MTM1: variants seen among roughly 807,000 people sequenced by gnomAD.
MTM1 encodes the protein myotubularin 1, also known as myotubularin.
MTM1 carries 9 observed loss-of-function variants against 52.1 expected under a neutral mutation model. That is an observed-to-expected ratio of 0.17 (90% CI 0.10 to 0.30). The LOEUF is 0.30. Among genes scored for constraint, MTM1 ranks in the 10% least tolerant of loss-of-function variants. The pLI is 1.00. For missense variants in MTM1, 277 were observed against 470.7 expected, an observed-to-expected ratio of 0.59 and a Z score of 3.81; for synonymous variants, 136 against 163.8, an observed-to-expected ratio of 0.83 and a Z score of 1.29.
At chrX:150,657,432 T>C (rs782326945) in intron 10 of MTM1, among the ~76,000 whole-genome samples, 233 of 95,111 alleles carry the variant, frequency 2.4e-3, no homozygotes, top group South Asian at 0.015. Flanking sequence ...AATGAGAACA[T>C]TTGGACACAG....
chrX:150,571,945 A>G (rs2038385342), intron 1 of MTM1, among the ~76,000 whole-genome samples: 1 of 112,200 alleles, frequency 8.9e-6, no homozygotes, highest in African/African-American at 3.2e-5. Flanking sequence ...AAGATTTTTC[A>G]TTGGAAATCT....
At chrX:150,589,812 A>G (rs942527492) in intron 1 of MTM1, among the ~76,000 whole-genome samples, 2 of 106,801 alleles carry the variant, frequency 1.9e-5, no homozygotes, top group African/African-American at 6.9e-5. Context: ...GCCATGCGCT[A>G]TCCCTGTATT....
intron 1 of MTM1, among the ~76,000 whole-genome samples, chrX:150,584,093 G>A (rs2038737678): frequency 1.0e-5 from 1 of 98,708 alleles, no homozygotes; most frequent in South Asian, 4.5e-4. Flanking sequence ...TGAAAATCTG[G>A]CACAAAAATA....
chrX:150,656,088 A>C (rs1371535224), intron 10 of MTM1, among the ~76,000 whole-genome samples: 1 of 111,636 alleles, frequency 9.0e-6, no homozygotes, highest in African/African-American at 3.3e-5. Context: ...TCACTGTATC[A>C]GACTTTTACA....
intron 1 of MTM1, among the ~76,000 whole-genome samples, chrX:150,574,554 A>G (rs921550261): frequency 5.3e-5 from 6 of 112,834 alleles, no homozygotes; most frequent in African/African-American, 1.9e-4. Flanking sequence ...AAGTAAAGAA[A>G]CAGGTGAAAT....
intron 1 of MTM1, among the ~76,000 whole-genome samples, chrX:150,585,145 T>G (rs1163108275): frequency 1.8e-5 from 2 of 110,266 alleles, no homozygotes; most frequent in Non-Finnish European, 3.8e-5. Flanking sequence ...TTTCCATGTT[T>G]TGAAGTAGGT....
rs186531872 is a variant in MTM1, at chrX:150,611,303, G to A, written c.232-3286G>A. 2.7e-5 allele frequency among the ~76,000 whole-genome samples: 3 copies of A among 111,981 alleles called. No individual in the cohort carries two copies. In the East Asian group the frequency reaches 8.4e-4, roughly 31 times the overall value. On this transcript the variant is annotated intron_variant, in intron 4 of 14. Transcript: ENST00000370396. ...TTTTCTAGCTACTGGCATCAGGCAC[G>A]ACGCCAGGTACTTTAAACTCATTTT...
At chrX:150,606,250 C>A (rs2039155261) in intron 4 of MTM1, among the ~76,000 whole-genome samples, 1 of 110,959 alleles carries the variant, frequency 9.0e-6, no homozygotes, top group African/African-American at 3.3e-5. Flanking sequence ...AAAATGAATG[C>A]CTTCTTCACA....
At chrX:150,631,166 A>G (rs1323090263) in intron 6 of MTM1, among the ~76,000 whole-genome samples, 2 of 112,316 alleles carry the variant, frequency 1.8e-5, no homozygotes, top group Non-Finnish European at 3.8e-5. Context: ...GGGCACAGTG[A>G]ACCAATCTTA....
intron 1 of MTM1, among the ~76,000 whole-genome samples, chrX:150,569,467 C>T (rs1259273202): frequency 1.8e-5 from 2 of 112,640 alleles, no homozygotes; most frequent in Non-Finnish European, 3.8e-5. Flanking sequence ...GGTTTTGAAA[C>T]AGATACACCA....
chrX:150,642,556 T>C (rs932836637), intron 8 of MTM1, among the ~76,000 whole-genome samples: 3 of 112,080 alleles, frequency 2.7e-5, no homozygotes, highest in Non-Finnish European at 5.6e-5. Context: ...TGTTAGAACA[T>C]GATGCTAATG....
chrX:150,584,695 C>G (rs782584332), intron 1 of MTM1, among the ~76,000 whole-genome samples: 244 of 111,096 alleles, frequency 2.2e-3, no homozygotes, highest in African/African-American at 7.7e-3. Context: ...ACAATCGTCC[C>G]TTGGTATTTG....
At chrX:150,656,776 A>G (rs781948419) in intron 10 of MTM1, among the ~76,000 whole-genome samples, 1 of 112,105 alleles carries the variant, frequency 8.9e-6, no homozygotes, top group East Asian at 2.8e-4. Context: ...AAACAAATTT[A>G]CAAGAAAAAA....
At chrX:150,600,022 A>G (rs987143747) in intron 4 of MTM1, among the ~76,000 whole-genome samples, 3 of 111,984 alleles carry the variant, frequency 2.7e-5, no homozygotes, top group Admixed American at 9.5e-5. Context: ...AACCAAGGCC[A>G]TATGACAGAC....
chrX:150,614,511 A>G, intron 4 of MTM1, 78 bp from the exon 5 acceptor site: 1 of 602,608 alleles, frequency 1.7e-6, no homozygotes, highest in South Asian at 2.4e-5. Context: ...CTGAAAGCAT[A>G]TGGTTGTTTT....
chrX:150,636,291 C>T (rs1274336416), intron 6 of MTM1, among the ~76,000 whole-genome samples: 1 of 111,267 alleles, frequency 9.0e-6, no homozygotes, highest in African/African-American at 3.3e-5. Context: ...TTTTATAAAA[C>T]ATATTAAGGA....
chrX:150,598,828 G>T (rs1557412675), intron 4 of MTM1, 142 bp downstream of exon 4: 1 of 447,763 alleles, frequency 2.2e-6, no homozygotes, highest in East Asian at 3.9e-5. Context: ...TTTTGCTTAT[G>T]CAAAACTCAT....
intron 6 of MTM1, among the ~76,000 whole-genome samples, chrX:150,621,842 C>T (rs2039486157): frequency 9.0e-6 from 1 of 111,615 alleles, no homozygotes; most frequent in African/African-American, 3.3e-5. Flanking sequence ...TACCTCCTAC[C>T]TCCCCCTACC....
rs368915645 is a variant in MTM1 at position 150,598,716 on chromosome X, C to A, written c.231+30C>A. 2.5e-3 allele frequency: 2,333 copies of A among 947,887 alleles called. 32 individuals are homozygous for A. The South Asian group carries it at 0.045, about 18-fold the overall frequency. The allele number at this position is 947,887 out of a possible 1,213,427, so 78.1% of individuals were successfully genotyped here. A position where few individuals can be genotyped will look rare whatever the true frequency, so the allele number is the denominator to read the frequency against. On this transcript the variant is annotated intron_variant, in intron 4 of 14. Transcript: ENST00000370396. ...GTAGAATATAAGACCATAAAGATGACCCTAACTGTTAAAGATAATGCTAAA... is the reference window on the plus strand; with the variant it reads ...GTAGAATATAAGACCATAAAGATGAACCTAACTGTTAAAGATAATGCTAAA...
Sources: gnomAD v4.1 joint callset for allele counts (sites outside exome capture counted in the v4.1 genomes callset) on GRCh38, gnomAD v4.1.1 for gene constraint, MANE v1.5 for transcripts, NCBI Gene and HGNC (gene_info 2026-07-23, HGNC 2026-07-21) for gene names.